Variants in GREB1L observed in about 807,000 individuals in gnomAD.
GREB1L encodes the protein GREB1 like retinoic acid receptor coactivator.
GREB1L carries 17 observed loss-of-function variants against 200.8 expected under a neutral mutation model. The observed-to-expected ratio is 0.08, with a 90% CI of 0.06 to 0.13. The LOEUF (loss-of-function observed/expected upper bound fraction) is 0.13, where lower values mean the gene tolerates loss of function less well. Ranked by LOEUF, GREB1L falls within the 10% of genes least tolerant of loss-of-function variation. The probability of loss-of-function intolerance (pLI) is 1.00; values close to 1 mark genes in which losing one functional copy is unlikely to be tolerated. For missense variants in GREB1L, 1,657 were observed against 2,367.7 expected (o/e 0.70, Z 6.23); for synonymous variants, 789 against 893.0 (o/e 0.88, Z 2.08).
At chr18:21,417,747 T>C (rs553561429) in intron 7 of GREB1L, among the ~76,000 whole-genome samples, 150 of 151,850 alleles carry the variant, frequency 9.9e-4, no homozygotes, top group Non-Finnish European at 1.8e-3. Context: ...ATCCCAGTAC[T>C]TTGGGGCCGA....
rs368286033 is a variant in GREB1L at position 21,428,051 on chromosome 18, G to A, written c.833-11470G>A. On this transcript the variant is annotated intron_variant, in intron 7 of 32. Transcript: ENST00000424526. ...TAAAAATACAAAAAATTAGCCGGGC[G>A]CGGTGGCGGGCGCCTGTAGTCCCAG... Among the ~76,000 whole-genome samples, 102 of 150,664 alleles carry A rather than the reference G, an allele frequency of 6.8e-4. No homozygotes were observed. In the Middle Eastern group the frequency reaches 0.014, roughly 20 times the overall value.
At chr18:21,252,453 A>G (rs1268629149) in intron 1 of GREB1L, among the ~76,000 whole-genome samples, 2 of 150,248 alleles carry the variant, frequency 1.3e-5, no homozygotes, top group Non-Finnish European at 3.0e-5. Flanking sequence ...GCTACTCGGG[A>G]GGCTGAGGCA....
intron 19 of GREB1L, among the ~76,000 whole-genome samples, chr18:21,494,214 G>A (rs900174131): frequency 2.6e-5 from 4 of 152,148 alleles, no homozygotes; most frequent in African/African-American, 7.2e-5. Context: ...AACACGGGAA[G>A]TCTGTGAAAC....
intron 32 of GREB1L, 99 bp downstream of exon 32, chr18:21,520,922 G>A (rs1003772479): frequency 4.6e-5 from 48 of 1,041,578 alleles, no homozygotes; most frequent in Admixed American, 2.5e-4. Flanking sequence ...GAGGCCAGGC[G>A]CAGTGGCTCA....
intron 2 of GREB1L, among the ~76,000 whole-genome samples, chr18:21,380,902 G>T (rs1316139175): frequency 6.7e-6 from 1 of 150,316 alleles, no homozygotes; most frequent in African/African-American, 2.5e-5. Flanking sequence ...AGTTCAAGAC[G>T]AGCCTGGCCA....
chr18:21,278,875 GA>G (rs2038219940), intron 1 of GREB1L, among the ~76,000 whole-genome samples: 1 of 152,116 alleles, frequency 6.6e-6, no homozygotes, highest in African/African-American at 2.4e-5. Context: ...TTGGAAATTT[GA>G]AACTAATTAA....
rs1278600700 is a variant in GREB1L at position 21,516,720 on chromosome 18, G to T, written c.5237G>T (p.Gly1746Val). 6.4e-7 allele frequency: 1 copy of T among 1,551,476 alleles called. No individual in the cohort carries two copies. Among genetic ancestry groups the T allele is most frequent in the Non-Finnish European group, 8.7e-7 (1 of 1,146,894 alleles). ...SLMKKHVQVG[G>V]QRDFIIKPKI... is the part of the protein sequence containing the mutation. ...ATGAAGAAACATGTTCAGGTTGGAGGGCAAAGGGACTTTATCATTAAACCA... is the reference window on the plus strand; with the variant it reads ...ATGAAGAAACATGTTCAGGTTGGAGTGCAAAGGGACTTTATCATTAAACCA... The change falls in exon 30 of 33, where the codon GGG becomes GTG. Residue 1746 changes from glycine to valine, a missense_variant. Gly to Val is a moderately radical substitution (Grantham distance 109). Around this residue, in one of 9 missense-constraint regions of GREB1L, gnomAD observed 190 missense variants for 230.2 expected, o/e 0.83. Coordinates refer to ENST00000424526, the MANE Select transcript of GREB1L (RefSeq NM_001142966.3).
chr18:21,499,611 G>C (rs774089054), intron 21 of GREB1L, 118 bp from the exon 22 acceptor site: 6 of 674,904 alleles, frequency 8.9e-6, no homozygotes, highest in Non-Finnish European at 1.5e-5. Context: ...TTCTTGCTCA[G>C]GGTCTGCAGC....
intron 1 of GREB1L, among the ~76,000 whole-genome samples, chr18:21,337,600 A>G (rs965405570): frequency 5.9e-5 from 9 of 152,196 alleles, no homozygotes; most frequent in Admixed American, 2.6e-4. Context: ...AGGCACCATA[A>G]CTGATTTGTT....
chr18:21,389,330 T>TG (rs2040686831), intron 4 of GREB1L, among the ~76,000 whole-genome samples: 1 of 134,670 alleles, frequency 7.4e-6, no homozygotes, highest in Non-Finnish European at 1.5e-5. Context: ...CATTATGGGG[T>TG]GGGTTTTTTT....
chr18:21,417,554 T>C (rs1333767174), intron 7 of GREB1L, among the ~76,000 whole-genome samples: 1 of 151,744 alleles, frequency 6.6e-6, no homozygotes, highest in Non-Finnish European at 1.5e-5. Flanking sequence ...AAAATGAAGA[T>C]GAAATAAAGA....
At chr18:21,330,564 C>G (rs189467575) in intron 1 of GREB1L, among the ~76,000 whole-genome samples, 12 of 152,276 alleles carry the variant, frequency 7.9e-5, no homozygotes, top group African/African-American at 2.9e-4. Flanking sequence ...ATGTTTTGCT[C>G]CTCCACTTGA....
At chr18:21,302,049 G>A (rs1282757192) in intron 1 of GREB1L, among the ~76,000 whole-genome samples, 2 of 152,062 alleles carry the variant, frequency 1.3e-5, no homozygotes, top group Non-Finnish European at 2.9e-5. Context: ...TTTTAACTCT[G>A]GTATGTTGAA....
At chr18:21,376,897 TTA>T (rs1364274762) in intron 2 of GREB1L, among the ~76,000 whole-genome samples, 1 of 152,054 alleles carries the variant, frequency 6.6e-6, no homozygotes, top group Non-Finnish European at 1.5e-5. Flanking sequence ...GACATCAAGT[TTA>T]TAAGACTCCA....
chr18:21,412,272 G>A (rs1454804840), intron 7 of GREB1L, among the ~76,000 whole-genome samples: 2 of 151,544 alleles, frequency 1.3e-5, no homozygotes, highest in Non-Finnish European at 2.9e-5. Flanking sequence ...AATTAGCAAC[G>A]TGTGTTGACA....
At chr18:21,411,908 A>G (rs549136755) in intron 7 of GREB1L, among the ~76,000 whole-genome samples, 21 of 151,936 alleles carry the variant, frequency 1.4e-4, no homozygotes, top group African/African-American at 5.1e-4. Context: ...AGCCGGGCGC[A>G]GTGGTGGGCG....
At chr18:21,505,594 C>A in intron 24 of GREB1L, 27 bp downstream of exon 24, 1 of 1,550,046 alleles carries the variant, frequency 6.5e-7, no homozygotes, top group Non-Finnish European at 8.7e-7. Flanking sequence ...AAGTTCACCT[C>A]CTCTCTGGGT....
intron 15 of GREB1L, among the ~76,000 whole-genome samples, chr18:21,471,749 T>G (rs1366308551): frequency 4.6e-5 from 7 of 151,846 alleles, no homozygotes; most frequent in Non-Finnish European, 8.8e-5. Context: ...GCCTTCTGAG[T>G]AGCTGGGACT....
At position 21,477,262 on chromosome 18, in the gene GREB1L, T is replaced by C; in HGVS notation, c.2462T>C (p.Val821Ala). 6.4e-7 allele frequency: 1 copy of C among 1,551,716 alleles called. No homozygotes were observed. Among genetic ancestry groups the C allele is most frequent in the Non-Finnish European group, 8.7e-7 (1 of 1,146,852 alleles). ...GTTCTGGAAGCTTTCAACCTCCTGGTGCTCCAGGTCAGCTCCTTCCCATAC... is the reference window on the plus strand; with the variant it reads ...GTTCTGGAAGCTTTCAACCTCCTGGCGCTCCAGGTCAGCTCCTTCCCATAC... The part of the protein sequence containing the change: ...REVLEAFNLL[V>A]LQVSSFPYTL... The change falls in exon 17 of 33, where the codon GTG becomes GCG. Residue 821 changes from valine (V) to alanine (A), a missense_variant. Physicochemically the swap from Val to Ala is moderately conservative, Grantham distance 64 (BLOSUM62 0). This residue lies in a region of GREB1L where 239 missense variants were observed against 421.8 expected (regional missense o/e 0.57). Transcript: ENST00000424526.
Sources: gnomAD v4.1 joint callset for allele counts (sites outside exome capture counted in the v4.1 genomes callset) on GRCh38, gnomAD v4.1.1 for gene constraint, gnomAD v4.1.1 regional missense constraint, MANE v1.5 for transcripts, NCBI Gene and HGNC (gene_info 2026-07-23, HGNC 2026-07-21) for gene names.